The following RABGGTA variants were observed in gnomAD, a reference collection of about 807,000 sequenced individuals.
RABGGTA encodes the protein Rab geranylgeranyltransferase subunit alpha.
A neutral mutation model predicts 83.3 loss-of-function variants in RABGGTA; 69 were observed. The ratio of observed to expected loss-of-function variants is 0.83; its 90% CI spans 0.68 to 1.01. The LOEUF (loss-of-function observed/expected upper bound fraction) is 1.01. RABGGTA is among the 50% of genes least tolerant of loss of function. The pLI is 0.00. For synonymous variants in RABGGTA, 310 were observed against 299.8 expected (o/e 1.03, Z -0.35); for missense variants, 681 against 712.7 (o/e 0.96, Z 0.51).
chr14:24,266,405 G>A (rs1356064946), intron 16 of RABGGTA, 25 bp downstream of exon 16: 1 of 1,611,584 alleles, frequency 6.2e-7, no homozygotes, highest in Non-Finnish European at 8.5e-7. Flanking sequence ...CCCACTGTCT[G>A]AAAGGCACCC....
intron 14 of RABGGTA, 136 bp from the exon 15 acceptor site, chr14:24,267,025 G>A (rs991235333): frequency 1.2e-5 from 8 of 666,518 alleles, no homozygotes; most frequent in African/African-American, 1.8e-5. Flanking sequence ...GAGGATGGGA[G>A]CATGTGGGAA....
chr14:24,269,900 T>C, intron 5 of RABGGTA, 53 bp downstream of exon 5: 1 of 1,587,662 alleles, frequency 6.3e-7, no homozygotes, highest in Non-Finnish European at 8.6e-7. Context: ...GAGGCCCCAG[T>C]ACCAGAATGT....
chr14:24,270,294 G>A, intron 4 of RABGGTA, 40 bp downstream of exon 4: 1 of 1,608,544 alleles, frequency 6.2e-7, no homozygotes, highest in Middle Eastern at 1.7e-4. Flanking sequence ...TGCAGGCGCA[G>A]GGCCAGGGCA....
At position 24,268,362 on chromosome 14, in the gene RABGGTA, T is replaced by C. The variant is rs1458064537; in HGVS notation, c.1058+7A>G. 1 of 1,613,026 alleles carries C rather than the reference T, an allele frequency of 6.2e-7. No homozygotes were observed. On this transcript the variant is annotated splice_region_variant and intron_variant, in intron 11 of 16. Coordinates refer to ENST00000216840, the MANE Select transcript of RABGGTA (RefSeq NM_182836.3). The stretch of plus-strand genomic sequence containing the variant: ...CCTCTCCTTGTTTTGTGCTTCCCTA[T>C]CACCACCTGAATAGCTGCTCGTCTG...
At position 24,270,437 on chromosome 14, in the gene RABGGTA, C is replaced by T. The variant is rs1169856466; in HGVS notation, c.136G>A (p.Glu46Lys). 6.2e-7 allele frequency: 1 copy of T among 1,613,912 alleles called. No individual in the cohort carries two copies. The highest frequency in any genetic ancestry group is 2.2e-5 in the East Asian group (1 of 44,898). ...TGGCTTGTCAGTTCCAGCACGGACT[C>T]ATCCAGCTCACCAGCCTGGCGCTAA... ...FQKRQAGELD[E>K]SVLELTSQIL... Residue 46 changes from glutamate to lysine, a missense_variant, in exon 4 of 17, where the codon GAG becomes AAG. Coordinates refer to ENST00000216840, the MANE Select transcript of RABGGTA (RefSeq NM_182836.3).
At position 24,267,962 on chromosome 14, in the gene RABGGTA, A is replaced by C; in HGVS notation, c.1148-4T>G. 6.2e-7 allele frequency: 1 copy of C among 1,613,324 alleles called. No homozygotes were observed. The highest frequency in any genetic ancestry group is 8.5e-7 in the Non-Finnish European group (1 of 1,179,532). ...AGGATGATGGTAAGCAGGCACCCTGAGGAGAGGGCAGGGAAAAGGAGGGTT... is the reference window on the plus strand; with the variant it reads ...AGGATGATGGTAAGCAGGCACCCTGCGGAGAGGGCAGGGAAAAGGAGGGTT... On this transcript the variant is annotated splice_polypyrimidine_tract_variant and splice_region_variant and intron_variant, in intron 12 of 16. Coordinates refer to ENST00000216840, the MANE Select transcript of RABGGTA (RefSeq NM_182836.3).
intron 14 of RABGGTA, among the ~76,000 whole-genome samples, chr14:24,267,291 T>G (rs2040886006): frequency 6.6e-6 from 1 of 152,156 alleles, no homozygotes. Flanking sequence ...AAGTGGAGCC[T>G]GGACAACTTC....
In RABGGTA at chr14:24,267,710, C is replaced by T. The variant is rs370570899; in HGVS notation, c.1303G>A (p.Val435Met). 2.7e-5 allele frequency: 44 copies of T among 1,611,884 alleles called. No homozygotes were observed. Among genetic ancestry groups the T allele is most frequent in the South Asian group, 7.7e-5 (7 of 91,000 alleles). The change falls in exon 14 of 17, where the codon GTG becomes ATG. Residue 435 changes from valine to methionine, a missense_variant. Around this residue, in one of 5 missense-constraint regions of RABGGTA, gnomAD observed 421 missense variants for 418.5 expected, o/e 1.01. Coordinates refer to ENST00000216840, the MANE Select transcript of RABGGTA (RefSeq NM_182836.3). ...ACCTCGGCATACTCCATCTTGAGCA[C>T]GCTATTCTCCAGCAAGAACTTGCTG... ...LRSKFLLENS[V>M]LKMEYAEVRV...
chr14:24,267,848 C>T, intron 13 of RABGGTA, 22 bp downstream of exon 13: 2 of 1,612,458 alleles, frequency 1.2e-6, no homozygotes, highest in Non-Finnish European at 8.5e-7. Context: ...TCCCCCTGGT[C>T]TGTTCTGCAG....
rs1475430529 is a variant in RABGGTA, at chr14:24,267,900, C to T, written c.1206G>A (p.Lys402=). ...GGGTCTGGAAGTACTGCAGGGTCTC[C>T]TTCTCATACAGCAGGGGGTCCAGTG... ...MRALDPLLYE[K]ETLQYFQTLK... The change falls in exon 13 of 17, where the codon AAG becomes AAA. Residue 402 remains lysine, a synonymous_variant. Coordinates refer to ENST00000216840, the MANE Select transcript of RABGGTA (RefSeq NM_182836.3). 1 of 1,613,802 alleles carries T rather than the reference C, an allele frequency of 6.2e-7. No individual in the cohort carries two copies.
chr14:24,265,878 T>C (rs1437218900), intron 16 of RABGGTA, 115 bp from the exon 17 acceptor site: 1 of 1,433,508 alleles, frequency 7.0e-7, no homozygotes. Context: ...GCATCTCATA[T>C]GCTCCCTGGA....
In RABGGTA at chr14:24,268,917, G is replaced by A; in HGVS notation, c.792C>T (p.Pro264=). 6 of 1,583,570 alleles carry A rather than the reference G, an allele frequency of 3.8e-6. No homozygotes were observed. The highest frequency in any genetic ancestry group is 5.2e-6 in the Non-Finnish European group (6 of 1,164,170). Residue 264 remains proline (P), a synonymous_variant, in exon 8 of 17, where the codon CCC becomes CCT. Transcript: ENST00000216840. ...CAAAAGCTGCAGGACTCACTAAGAGGGGCCGAGAGAAGGAGACAGTCAGAC... is the reference window on the plus strand; with the variant it reads ...CAAAAGCTGCAGGACTCACTAAGAGAGGCCGAGAGAAGGAGACAGTCAGAC... The part of the protein sequence containing the change: ...EACLTVSFSR[P]LLVGSRMEIL...
intron 16 of RABGGTA, 105 bp from the exon 17 acceptor site, chr14:24,265,868 G>A: frequency 6.9e-7 from 1 of 1,447,490 alleles, no homozygotes; most frequent in African/African-American, 1.4e-5. Flanking sequence ...TGTTTGATGG[G>A]CATCTCATAT....
Position 24,268,626 on chromosome 14 carries a change from G to C in RABGGTA, c.901-7C>G. ...CAGCAGGCAGGTCACAGAGCTGGGA[G>C]TACTGGGTCAAGGAAATGCCCCAGC... is the stretch of plus-strand genomic sequence containing the variant. On this transcript the variant is annotated splice_region_variant and splice_polypyrimidine_tract_variant and intron_variant, in intron 9 of 16. Coordinates refer to ENST00000216840, the MANE Select transcript of RABGGTA (RefSeq NM_182836.3). 6.2e-7 allele frequency: 1 copy of C among 1,613,436 alleles called. No individual in the cohort carries two copies. Among genetic ancestry groups the C allele is most frequent in the Non-Finnish European group, 8.5e-7 (1 of 1,179,436 alleles).
intron 16 of RABGGTA, 145 bp from the exon 17 acceptor site, chr14:24,265,908 G>A (rs1292886997): frequency 3.7e-6 from 5 of 1,347,542 alleles, no homozygotes; most frequent in East Asian, 2.5e-5. Context: ...GCTCTAGGCA[G>A]GGACTGCAAA....
Position 24,267,865 on chromosome 14 carries a change from C to G in RABGGTA, c.1236+5G>C. 6.2e-7 allele frequency: 1 copy of G among 1,613,516 alleles called. No individual in the cohort carries two copies. Among genetic ancestry groups the G allele is most frequent in the Non-Finnish European group, 8.5e-7 (1 of 1,179,676 alleles). On this transcript the variant is annotated splice_donor_5th_base_variant and intron_variant, in intron 13 of 16. Coordinates refer to ENST00000216840, the MANE Select transcript of RABGGTA (RefSeq NM_182836.3). ...CCCCTGGTCTGTTCTGCAGACAGAA[C>G]TTGCCTTGAGGGTCTGGAAGTACTG...
At position 24,270,136 on chromosome 14, in the gene RABGGTA, G is replaced by C. The variant is rs529959548; in HGVS notation, c.244C>G (p.Pro82Ala). The change falls in exon 5 of 17, where the codon CCT (proline) becomes GCT (alanine). Residue 82 changes from proline (P) to alanine (A), a missense_variant. This residue lies in a region of RABGGTA where 115 missense variants were observed against 111.5 expected (regional missense o/e 1.03). Coordinates refer to ENST00000216840, the MANE Select transcript of RABGGTA (RefSeq NM_182836.3). ...VLQQLETQKS[P>A]EELAALVKAE... The stretch of plus-strand genomic sequence containing the variant: ...TTCACCAGAGCAGCCAACTCTTCAG[G>C]AGACCTGTACCCAGAAGGGAAGGGG... 5.7e-5 allele frequency: 91 copies of C among 1,604,572 alleles called. No homozygotes were observed. Among genetic ancestry groups the C allele is most frequent in the Non-Finnish European group, 7.5e-5 (88 of 1,176,134 alleles).
rs2040927553 is a variant in RABGGTA at position 24,270,120 on chromosome 14, G to C, written c.260C>G (p.Ala87Gly). The C allele has an allele frequency of 6.2e-7, 1 of 1,607,786 alleles. No homozygotes were observed. Among genetic ancestry groups the C allele is most frequent in the Admixed American group, 1.7e-5 (1 of 58,850 alleles). ...GAAGCCCAGTTCTGCCTTCACCAGA[G>C]CAGCCAACTCTTCAGGAGACCTGTA... The part of the protein sequence containing the change: ...ETQKSPEELA[A>G]LVKAELGFLE... Residue 87 changes from alanine to glycine, a missense_variant, in exon 5 of 17, where the codon GCT becomes GGT. Transcript: ENST00000216840.
intron 6 of RABGGTA, 139 bp downstream of exon 6, chr14:24,269,352 T>C: frequency 8.7e-7 from 1 of 1,148,556 alleles, no homozygotes; most frequent in Admixed American, 2.1e-5. Context: ...AGCCAGGGAC[T>C]GATTCTTAAG....
Sources: gnomAD v4.1 joint callset for allele counts (sites outside exome capture counted in the v4.1 genomes callset) on GRCh38, gnomAD v4.1.1 for gene constraint, gnomAD v4.1.1 regional missense constraint, MANE v1.5 for transcripts, NCBI Gene and HGNC (gene_info 2026-07-23, HGNC 2026-07-21) for gene names.